Variants in KHDC4 observed in about 807,000 individuals in gnomAD.
The protein encoded by KHDC4 is KH homology domain-containing protein 4.
A neutral mutation model predicts 74.5 loss-of-function variants in KHDC4; 19 were observed. The observed-to-expected ratio is 0.26, with a 90% CI of 0.18 to 0.37. KHDC4 has a LOEUF of 0.37. Ranked by LOEUF, KHDC4 falls within the 10% of genes least tolerant of loss-of-function variation. The probability of loss-of-function intolerance (pLI) is 1.00; values close to 1 mark genes in which losing one functional copy is unlikely to be tolerated. For missense variants in KHDC4, 632 were observed against 754.1 expected (o/e 0.84, Z 1.90); for synonymous variants, 253 against 266.1 (o/e 0.95, Z 0.48).
chr1:155,927,898 A>T (rs1674052764), intron 4 of KHDC4, among the ~76,000 whole-genome samples: 1 of 145,908 alleles, frequency 6.9e-6, no homozygotes, highest in Non-Finnish European at 1.5e-5. Context: ...AAGATTGATC[A>T]TGCATATAGA....
At chr1:155,916,840 T>C (rs1673742428) in intron 11 of KHDC4, 103 bp from the exon 12 acceptor site, 1 of 755,598 alleles carries the variant, frequency 1.3e-6, no homozygotes. Context: ...TGATAAGTTG[T>C]AGTACGTTAA....
chr1:155,915,889 G>A lies in KHDC4; in HGVS notation c.1629C>T (p.Thr543=). 1 of 1,599,850 alleles carries A rather than the reference G, an allele frequency of 6.3e-7. No homozygotes were observed. Among genetic ancestry groups the A allele is most frequent in the South Asian group, 1.1e-5 (1 of 89,194 alleles). ...CACACTCACCATGGCTCCCTGTTAA[G>A]GTCCCAGACCCATTCCTTTCATCGG... ...TESDERNGSG[T]LTGSHDYPAK... The change falls in exon 13 of 14, where the codon ACC becomes ACT. Residue 543 remains threonine, a synonymous_variant. Coordinates refer to ENST00000368321, the MANE Select transcript of KHDC4 (RefSeq NM_014949.4).
intron 8 of KHDC4, 77 bp from the exon 9 acceptor site, chr1:155,921,995 A>AG (rs1673874662): frequency 2.4e-6 from 2 of 850,344 alleles, no homozygotes; most frequent in Non-Finnish European, 1.9e-6. Context: ...ACATAATTCT[A>AG]GGACCAAAGC....
chr1:155,925,583 C>T, intron 7 of KHDC4, 49 bp downstream of exon 7: 1 of 1,490,098 alleles, frequency 6.7e-7, no homozygotes, highest in Non-Finnish European at 9.4e-7. Context: ...CCTGACTGTA[C>T]CAACAAGTTG....
Position 155,933,864 on chromosome 1 carries a change from AG to A in KHDC4, c.39-16del. 6.6e-7 allele frequency: 1 copy of A among 1,510,358 alleles called. No homozygotes were observed. The highest frequency in any genetic ancestry group is 2.4e-5 in the East Asian group (1 of 41,868). The allele number at this position is 1,510,358 out of a possible 1,614,324, so 93.6% of individuals were successfully genotyped here. A position where few individuals can be genotyped will look rare whatever the true frequency, so the allele number is the denominator to read the frequency against. ...TGCTGCGGCGCCTACATGGAGAAAA[AG>A]GAAAACATTAGGCCCCAAAGCTTTC... On this transcript the variant is annotated splice_polypyrimidine_tract_variant and intron_variant, in intron 1 of 13. Coordinates refer to ENST00000368321, the MANE Select transcript of KHDC4 (RefSeq NM_014949.4).
chr1:155,916,793 T>C (rs1251519847), intron 11 of KHDC4, 56 bp from the exon 12 acceptor site: 1 of 1,162,792 alleles, frequency 8.6e-7, no homozygotes, highest in Non-Finnish European at 1.3e-6. Flanking sequence ...GTATTGACTT[T>C]AGCTCCTTAA....
chr1:155,921,717 A>T, intron 9 of KHDC4, 89 bp from the exon 10 acceptor site: 1 of 1,509,448 alleles, frequency 6.6e-7, no homozygotes, highest in Non-Finnish European at 9.0e-7. Context: ...GGGAAGAAAA[A>T]TACTGAGGCA....
intron 4 of KHDC4, 72 bp downstream of exon 4, chr1:155,929,224 A>C (rs1674091321): frequency 9.7e-7 from 1 of 1,029,406 alleles, no homozygotes; most frequent in Non-Finnish European, 1.5e-6. Flanking sequence ...GTATTACCTA[A>C]GGATAAAAAA....
At chr1:155,934,042 C>T (rs1674199598) in intron 1 of KHDC4, among the ~76,000 whole-genome samples, 193 bp from the exon 2 acceptor site, 1 of 152,150 alleles carries the variant, frequency 6.6e-6, no homozygotes, top group South Asian at 2.1e-4. Context: ...CAACCCTTCC[C>T]CAAAATCTTT....
chr1:155,927,606 A>G (rs1193224902), intron 4 of KHDC4, among the ~76,000 whole-genome samples: 1 of 151,554 alleles, frequency 6.6e-6, no homozygotes, highest in African/African-American at 2.4e-5. Context: ...AGAGTTTGAG[A>G]CCAGCCTGGC....
rs1673667339 is a variant in KHDC4, at chr1:155,913,258, G to GT, written c.*862dup. The GT allele has an allele frequency of 6.5e-6, 1 of 152,730 alleles. No individual in the cohort carries two copies. The highest frequency in any genetic ancestry group is 1.5e-5 in the Non-Finnish European group (1 of 68,038). 9.5% of individuals were successfully genotyped at this position (152,730 alleles called of 1,614,324 possible). A position where few individuals can be genotyped will look rare whatever the true frequency, so the allele number is the denominator to read the frequency against. On this transcript the variant is annotated 3_prime_UTR_variant, in exon 14 of 14. Transcript: ENST00000368321. ...ACAAAAAGTTATTTTGGCAAAATCT[G>GT]TAATGCCAAGAAAAAGGACAATTTG... is the stretch of plus-strand genomic sequence containing the variant.
chr1:155,933,611 G>T, intron 2 of KHDC4, 22 bp downstream of exon 2: 1 of 1,570,040 alleles, frequency 6.4e-7, no homozygotes. Context: ...GCAATTAGTG[G>T]AGACCCTTCA....
Position 155,917,570 on chromosome 1 carries a change from G to A in KHDC4, c.1369C>T (p.Pro457Ser), listed in dbSNP as rs780398562. ...PQPQPPLPSQ[P>S]QAQKRRFTEE... ...GTGAATCGTCTCTTCTGTGCCTGGG[G>A]CTGACTTGGGAGTGGGGGCTGGGGC... The change falls in exon 11 of 14, where the codon CCC becomes TCC. Residue 457 changes from proline (P) to serine (S), a missense_variant. Physicochemically the swap from Pro to Ser is moderately conservative, Grantham distance 74 (BLOSUM62 -1). Around this residue, in one of 4 missense-constraint regions of KHDC4, gnomAD observed 254 missense variants for 267.4 expected, o/e 0.95. Coordinates refer to ENST00000368321, the MANE Select transcript of KHDC4 (RefSeq NM_014949.4). 1 of 1,609,442 alleles carries A rather than the reference G, an allele frequency of 6.2e-7. No individual in the cohort carries two copies.
intron 6 of KHDC4, chr1:155,926,451 TCCC>T: frequency 2.2e-6 from 1 of 455,482 alleles, no homozygotes; most frequent in South Asian, 2.0e-5. Context: ...TGCCTCAGCC[TCCC>T]AAGTAGCTGG....
rs1341323832 is a variant in KHDC4, at chr1:155,927,869, CACACAA to C, written c.465-719_465-714del. On this transcript the variant is annotated intron_variant, in intron 4 of 13. Coordinates refer to ENST00000368321, the MANE Select transcript of KHDC4 (RefSeq NM_014949.4). Reference sequence around the variant, plus strand: ...ACACACACACACACACACACACACACACACAAAATTAATGGGGAAAGATTGATCATG... The same window carrying C: ...ACACACACACACACACACACACACACAATTAATGGGGAAAGATTGATCATG... Among the ~76,000 whole-genome samples the C allele has an allele frequency of 0.02, 752 of 38,134 alleles. 34 individuals are homozygous for C. The East Asian group carries it at 0.37, about 19-fold the overall frequency. 25.0% of individuals were successfully genotyped at this position (38,134 alleles called of 152,430 possible).
Position 155,925,614 on chromosome 1 carries a change from T to C in KHDC4, c.893+18A>G. On this transcript the variant is annotated intron_variant, in intron 7 of 13. Transcript: ENST00000368321. Reference sequence around the variant, plus strand: ...AGTTGACAAGAATTCACATGTCCCCTGCCCTATCCATCCATACCTGATGTA... The same window carrying C: ...AGTTGACAAGAATTCACATGTCCCCCGCCCTATCCATCCATACCTGATGTA... 1.2e-6 allele frequency: 2 copies of C among 1,602,646 alleles called. No homozygotes were observed. The highest frequency in any genetic ancestry group is 1.7e-6 in the Non-Finnish European group (2 of 1,169,564).
chr1:155,931,214 C>G (rs961672753), intron 2 of KHDC4, among the ~76,000 whole-genome samples: 1 of 145,474 alleles, frequency 6.9e-6, no homozygotes, highest in African/African-American at 2.5e-5. Context: ...CTCAGCTACT[C>G]AGCAGGCTGA....
intron 5 of KHDC4, 45 bp from the exon 6 acceptor site, chr1:155,926,884 A>C (rs1422773249): frequency 6.2e-7 from 1 of 1,601,106 alleles, no homozygotes; most frequent in South Asian, 1.1e-5. Flanking sequence ...TGAACTGACT[A>C]GTGCCCAGGC....
intron 13 of KHDC4, chr1:155,914,584 AG>A (rs1238482992): frequency 4.9e-6 from 2 of 404,666 alleles, no homozygotes; most frequent in Non-Finnish European, 8.8e-6. Flanking sequence ...AAAGAAAAAA[AG>A]GAAAGTTAGC....
Sources: allele counts gnomAD v4.1 joint callset (sites outside exome capture counted in the v4.1 genomes callset), GRCh38; gene constraint gnomAD v4.1.1; regional missense constraint gnomAD v4.1.1; transcripts MANE v1.5; gene names NCBI Gene and HGNC (gene_info 2026-07-23, HGNC 2026-07-21).